The following UGT3A1 variants were observed in gnomAD, a reference collection of about 807,000 sequenced individuals.
The protein encoded by UGT3A1 is UDP-glycosyltransferase 3A1.
Under a neutral mutation model 37.6 loss-of-function variants are expected in UGT3A1, and 40 were observed. That is an observed-to-expected ratio of 1.06 (90% confidence interval 0.83 to 1.38). UGT3A1 has a LOEUF of 1.38. Among genes scored for constraint, UGT3A1 ranks in the 40% most tolerant of loss-of-function variants. The pLI, the probability that UGT3A1 is intolerant of heterozygous loss-of-function variation, is 0.00. For missense variants in UGT3A1, 642 were observed against 634.2 expected (o/e 1.01, Z -0.13); for synonymous variants, 256 against 232.3 (o/e 1.10, Z -0.93).
At chr5:35,963,087 C>A in intron 4 of UGT3A1, 1 of 622,076 alleles carries the variant, frequency 1.6e-6, no homozygotes, top group Admixed American at 2.4e-5. Flanking sequence ...TTTATGGATG[C>A]CACCCACAGG....
At chr5:36,000,477 A>C (rs954667424) in intron 1 of UGT3A1, among the ~76,000 whole-genome samples, 4 of 152,192 alleles carry the variant, frequency 2.6e-5, no homozygotes, top group Admixed American at 2.6e-4. Flanking sequence ...ACCAGGTACC[A>C]TTGACAAATC....
chr5:35,963,092 C>T, intron 4 of UGT3A1: 1 of 621,988 alleles, frequency 1.6e-6, no homozygotes, highest in South Asian at 1.8e-5. Context: ...GGATGCCACC[C>T]ACAGGTGCCA....
intron 2 of UGT3A1, among the ~76,000 whole-genome samples, chr5:35,981,296 A>G (rs913128583): frequency 1.3e-5 from 2 of 152,224 alleles, no homozygotes; most frequent in Admixed American, 6.5e-5. Context: ...GCAATATCCC[A>G]GAACTCAAAT....
At chr5:35,957,095 G>A in intron 5 of UGT3A1, 93 bp downstream of exon 5, 3 of 1,015,208 alleles carry the variant, frequency 3.0e-6, no homozygotes, top group Non-Finnish European at 4.5e-6. Flanking sequence ...CTACTACGTA[G>A]GCTGATACAA....
At position 35,979,447 on chromosome 5, in the gene UGT3A1, C is replaced by A. The variant is rs147941955; in HGVS notation, c.196+9003G>T. On this transcript the variant is annotated intron_variant, in intron 2 of 6. Transcript: ENST00000274278. Reference sequence around the variant, plus strand: ...ATCATCTCCCTCAAGTTCAAAGTTCCACAAATCTCTAGGGCAGGGGCAAAG... The same window carrying A: ...ATCATCTCCCTCAAGTTCAAAGTTCAACAAATCTCTAGGGCAGGGGCAAAG... Among the ~76,000 whole-genome samples, 1,054 of 152,232 alleles carry A rather than the reference C, an allele frequency of 6.9e-3. 10 individuals carry two copies. The highest frequency in any genetic ancestry group is 0.024 in the African/African-American group (990 of 41,528).
chr5:35,962,915 A>G (rs1739648328), intron 4 of UGT3A1: 1 of 702,982 alleles, frequency 1.4e-6, no homozygotes, highest in African/African-American at 1.7e-5. Flanking sequence ...CCAGAGGAGA[A>G]TAAGCTGGGG....
chr5:35,965,632 G>T lies in UGT3A1; in HGVS notation c.597C>A (p.Gly199=). The change falls in exon 4 of 7, where the codon GGC becomes GGA. Residue 199 remains glycine (G), a synonymous_variant. Transcript: ENST00000274278. ...AGAACATCAGAAAATTCTTCACTCG[G>T]CCCCAGAAGTCCATGTGATCAGTCA... ...SLLTDHMDFW[G]RVKNFLMFFS... 6.2e-7 allele frequency: 1 copy of T among 1,614,140 alleles called. No individual in the cohort carries two copies. The highest frequency in any genetic ancestry group is 8.5e-7 in the Non-Finnish European group (1 of 1,180,032).
chr5:35,964,503 T>C (rs1420045345), intron 4 of UGT3A1, among the ~76,000 whole-genome samples: 1 of 152,162 alleles, frequency 6.6e-6, no homozygotes, highest in Non-Finnish European at 1.5e-5. Context: ...CAACTCTTCC[T>C]GTTTACTCAA....
intron 2 of UGT3A1, among the ~76,000 whole-genome samples, chr5:35,976,121 T>G (rs967369132): frequency 6.6e-6 from 1 of 152,118 alleles, no homozygotes; most frequent in Non-Finnish European, 1.5e-5. Flanking sequence ...AAGGAAGGAA[T>G]GTTTCCACCA....
chr5:35,958,211 T>C (rs1739434759), intron 4 of UGT3A1, among the ~76,000 whole-genome samples: 1 of 152,224 alleles, frequency 6.6e-6, no homozygotes. Flanking sequence ...TTTTGACATA[T>C]AGTCTATTTT....
Position 35,957,247 on chromosome 5 carries a change from T to C in UGT3A1, c.1016A>G (p.Asp339Gly), listed in dbSNP as rs1561454379. The change falls in exon 5 of 7, where the codon GAT (aspartate) becomes GGT (glycine). Residue 339 changes from aspartate to glycine, a missense_variant. Transcript: ENST00000274278. Reference protein sequence around the residue: ...WTCQSSHWPRDVHLATNVKIV... With the variant: ...WTCQSSHWPRGVHLATNVKIV... Reference sequence around the variant, plus strand: ...TTTCACATTTGTGGCCAAATGAACATCTCTGGGCCAATGAGAACTCTGACA... The same window carrying C: ...TTTCACATTTGTGGCCAAATGAACACCTCTGGGCCAATGAGAACTCTGACA... 6.2e-7 allele frequency: 1 copy of C among 1,614,106 alleles called. No homozygotes were observed. Among genetic ancestry groups the C allele is most frequent in the Non-Finnish European group, 8.5e-7 (1 of 1,180,012 alleles).
Position 35,957,405 on chromosome 5 carries a change from G to T in UGT3A1, c.858C>A (p.Phe286Leu), listed in dbSNP as rs756379489. The T allele has an allele frequency of 6.2e-7, 1 of 1,614,074 alleles. No individual in the cohort carries two copies. The highest frequency in any genetic ancestry group is 1.1e-5 in the South Asian group (1 of 91,038). The change falls in exon 5 of 7, where the codon TTC becomes TTA. Residue 286 changes from phenylalanine to leucine, a missense_variant. Phe to Leu is a conservative substitution (Grantham distance 22, BLOSUM62 0). Coordinates refer to ENST00000274278, the MANE Select transcript of UGT3A1 (RefSeq NM_152404.4). The part of the protein sequence containing the change: ...IKPVPQDLDN[F>L]IANFGDAGFV... The stretch of plus-strand genomic sequence containing the variant: ...ACCCTGCATCCCCAAAGTTGGCAAT[G>T]AAGTTGTCCAAGTCCTAGAGAGAGA...
rs575100489 is a variant in UGT3A1 at position 35,978,476 on chromosome 5, A to G, written c.196+9974T>C. Among the ~76,000 whole-genome samples the G allele has an allele frequency of 3.3e-5, 5 of 152,330 alleles. No homozygotes were observed. The South Asian group carries it at 1.0e-3, about 32-fold the overall frequency. The stretch of plus-strand genomic sequence containing the variant: ...GCAGAAGGCGAAAGGCCCATCTTAT[A>G]TCACAACAGGCAAGAGAGATAGAGC... On this transcript the variant is annotated intron_variant, in intron 2 of 6. Transcript: ENST00000274278.
chr5:35,951,151 C>T lies in UGT3A1; in HGVS notation c.*3051G>A, dbSNP rs546426562. 6.6e-6 allele frequency: 1 copy of T among 151,930 alleles called. No individual in the cohort carries two copies. Among genetic ancestry groups the T allele is most frequent in the South Asian group, 2.1e-4 (1 of 4,818 alleles). The allele number at this position is 151,930 out of a possible 1,614,324, so 9.4% of individuals were successfully genotyped here. A position where few individuals can be genotyped will look rare whatever the true frequency, so the allele number is the denominator to read the frequency against. On this transcript the variant is annotated 3_prime_UTR_variant, in exon 7 of 7. Transcript: ENST00000274278. ...GGAAAAAATTGATTTCATTTGTTTC[C>T]GTTTGTATTTCAGTTCTTGGCTTTT...
chr5:35,964,918 G>A (rs942176872), intron 4 of UGT3A1, among the ~76,000 whole-genome samples: 1 of 152,150 alleles, frequency 6.6e-6, no homozygotes, highest in African/African-American at 2.4e-5. Flanking sequence ...CTACAGGCAG[G>A]GAACACTGGA....
rs1319979481 is a variant in UGT3A1, at chr5:35,990,953, T to A, written c.94+194A>T. 5 of 1,468,122 alleles carry A rather than the reference T, an allele frequency of 3.4e-6. No individual in the cohort carries two copies. The East Asian group carries it at 1.2e-4, about 36-fold the overall frequency. The allele number at this position is 1,468,122 out of a possible 1,614,324, so 90.9% of individuals were successfully genotyped here. On this transcript the variant is annotated intron_variant, in intron 1 of 6. Transcript: ENST00000274278. ...AAGGAGAGTGTCTTTTCTCAAAAAC[T>A]GTCTTCCTCACCTCAGCAATAGAGG...
chr5:35,995,857 T>C (rs1442754955), upstream of UGT3A1, among the ~76,000 whole-genome samples: 1 of 152,180 alleles, frequency 6.6e-6, no homozygotes, highest in Non-Finnish European at 1.5e-5. Flanking sequence ...AGGATGTCAG[T>C]TGATTGCTTT....
upstream of UGT3A1, among the ~76,000 whole-genome samples, chr5:35,995,273 C>T (rs1561476655): frequency 6.6e-6 from 1 of 152,124 alleles, no homozygotes; most frequent in African/African-American, 2.4e-5. Flanking sequence ...TCAAAGACTC[C>T]ACTCCCTGAT....
Position 35,954,181 on chromosome 5 carries a change from C to T in UGT3A1, c.*21G>A. 4.4e-6 allele frequency: 7 copies of T among 1,608,918 alleles called. No individual in the cohort carries two copies. The highest frequency in any genetic ancestry group is 5.9e-6 in the Non-Finnish European group (7 of 1,176,852). On this transcript the variant is annotated 3_prime_UTR_variant, in exon 7 of 7. Coordinates refer to ENST00000274278, the MANE Select transcript of UGT3A1 (RefSeq NM_152404.4). ...CAAAGGACCAGGGATGCCCTCCCCTCACCCAAGGCTACACCTAGCCTCATG... is the reference window on the plus strand; with the variant it reads ...CAAAGGACCAGGGATGCCCTCCCCTTACCCAAGGCTACACCTAGCCTCATG...
Sources: gnomAD v4.1 joint callset for allele counts (sites outside exome capture counted in the v4.1 genomes callset) on GRCh38, gnomAD v4.1.1 for gene constraint, MANE v1.5 for transcripts, NCBI Gene and HGNC (gene_info 2026-07-23, HGNC 2026-07-21) for gene names.